ARHGAP12: variants seen among roughly 807,000 people sequenced by gnomAD.
ARHGAP12 encodes Rho GTPase activating protein 12.
Under a neutral mutation model 108.6 loss-of-function variants are expected in ARHGAP12, and 64 were observed. The observed-to-expected ratio is 0.59, with a 90% CI of 0.48 to 0.73. The LOEUF is 0.73. Ranked by LOEUF, ARHGAP12 falls within the 30% of genes least tolerant of loss-of-function variation. The pLI is 0.00. For synonymous variants in ARHGAP12, 312 were observed against 337.2 expected, an observed-to-expected ratio of 0.93 and a Z score of 0.82; for missense variants, 940 against 1,005.9, an observed-to-expected ratio of 0.93 and a Z score of 0.89.
At chr10:31,899,378 CAA>C (rs1264700902) in intron 3 of ARHGAP12, among the ~76,000 whole-genome samples, 1 of 152,108 alleles carries the variant, frequency 6.6e-6, no homozygotes, top group East Asian at 1.9e-4. Flanking sequence ...TAGATATGGA[CAA>C]AGTGAAATTT....
intron 3 of ARHGAP12, among the ~76,000 whole-genome samples, chr10:31,872,793 C>T (rs1021971109): frequency 6.6e-6 from 1 of 152,172 alleles, no homozygotes; most frequent in African/African-American, 2.4e-5. Context: ...CTTAAGTACT[C>T]CAGTCCCAAT....
rs187449129 is a variant in ARHGAP12 at position 31,889,193 on chromosome 10, T to C, written c.684+18979A>G. Among the ~76,000 whole-genome samples the C allele has an allele frequency of 1.5e-3, 224 of 152,336 alleles. No homozygotes were observed. In the Middle Eastern group the frequency reaches 0.017, roughly 12 times the overall value. On this transcript the variant is annotated intron_variant, in intron 3 of 19. Coordinates refer to ENST00000344936, the MANE Select transcript of ARHGAP12 (RefSeq NM_018287.7). The stretch of plus-strand genomic sequence containing the variant: ...TCCCAAAGTGCAGCGATTACAGACG[T>C]GAGCCACCACACCTGGCTTAAGAAT...
At chr10:31,926,700 A>G (rs536934466) in intron 1 of ARHGAP12, among the ~76,000 whole-genome samples, 9 of 152,338 alleles carry the variant, frequency 5.9e-5, no homozygotes, top group Non-Finnish European at 8.8e-5. Context: ...TAGAGTACTT[A>G]AAAATTTGTA....
chr10:31,904,658 A>G (rs1839055022), intron 3 of ARHGAP12, among the ~76,000 whole-genome samples: 1 of 152,096 alleles, frequency 6.6e-6, no homozygotes, highest in Admixed American at 6.6e-5. Context: ...ACAGGGTCTC[A>G]CTCTGTTGCC....
intron 1 of ARHGAP12, among the ~76,000 whole-genome samples, chr10:31,920,778 AG>A (rs1839775468): frequency 6.6e-6 from 1 of 152,224 alleles, no homozygotes; most frequent in Non-Finnish European, 1.5e-5. Context: ...CAGCCAGTTT[AG>A]TAGTTTCTTA....
chr10:31,919,292 G>A (rs538945720), intron 1 of ARHGAP12, among the ~76,000 whole-genome samples: 156 of 152,312 alleles, frequency 1.0e-3, no homozygotes, highest in African/African-American at 3.4e-3. Flanking sequence ...AAGTTCTGGA[G>A]ATGAAGGGTG....
At chr10:31,889,225 C>T (rs1838313041) in intron 3 of ARHGAP12, among the ~76,000 whole-genome samples, 1 of 152,170 alleles carries the variant, frequency 6.6e-6, no homozygotes, top group Non-Finnish European at 1.5e-5. Flanking sequence ...GAATCAAATA[C>T]TATTAATACT....
At chr10:31,831,243 A>G (rs185814986) in intron 10 of ARHGAP12, among the ~76,000 whole-genome samples, 134 of 152,358 alleles carry the variant, frequency 8.8e-4, no homozygotes, top group Non-Finnish European at 1.7e-3. Context: ...TGGCAGCTCT[A>G]CAAGCAAGAA....
intron 9 of ARHGAP12, among the ~76,000 whole-genome samples, chr10:31,838,277 G>C (rs1836103612): frequency 6.6e-6 from 1 of 152,078 alleles, no homozygotes; most frequent in Admixed American, 6.6e-5. Context: ...TGGTGTGGTA[G>C]GACAACAAGC....
chr10:31,919,791 CAA>C, intron 1 of ARHGAP12, among the ~76,000 whole-genome samples: 1 of 122,744 alleles, frequency 8.1e-6, no homozygotes. Flanking sequence ...GACTCCATTT[CAA>C]AAAAAAAAAC....
chr10:31,907,833 A>C (rs999090495), intron 3 of ARHGAP12, among the ~76,000 whole-genome samples: 6 of 152,118 alleles, frequency 3.9e-5, no homozygotes, highest in Non-Finnish European at 7.4e-5. Context: ...AAAGAGTAAA[A>C]ATTTTTTCTA....
intron 3 of ARHGAP12, among the ~76,000 whole-genome samples, chr10:31,882,547 G>A (rs949768908): frequency 4.6e-5 from 7 of 152,102 alleles, no homozygotes; most frequent in African/African-American, 1.7e-4. Context: ...GGGTGCAGAG[G>A]CTCACACCTG....
intron 3 of ARHGAP12, among the ~76,000 whole-genome samples, chr10:31,895,397 T>A (rs1838637579): frequency 6.6e-6 from 1 of 151,912 alleles, no homozygotes; most frequent in Admixed American, 6.6e-5. Flanking sequence ...TTAAACAAAT[T>A]TACAAGAAAA....
Position 31,805,733 on chromosome 10 carries a change from T to TTC in ARHGAP12, c.*1923_*1924dup, listed in dbSNP as rs1366683569. The TTC allele has an allele frequency of 2.0e-5, 3 of 151,876 alleles. No homozygotes were observed. Among genetic ancestry groups the TTC allele is most frequent in the African/African-American group, 7.3e-5 (3 of 41,284 alleles). The allele number at this position is 151,876 out of a possible 1,614,324, so 9.4% of individuals were successfully genotyped here. On this transcript the variant is annotated 3_prime_UTR_variant, in exon 20 of 20. Coordinates refer to ENST00000344936, the MANE Select transcript of ARHGAP12 (RefSeq NM_018287.7). ...GGACAATTTTAATCTTTGATATATGTTCATGAACACCAAGAACAAGAACAT... is the reference window on the plus strand; with the variant it reads ...GGACAATTTTAATCTTTGATATATGTTCTCATGAACACCAAGAACAAGAACAT...
intron 3 of ARHGAP12, among the ~76,000 whole-genome samples, chr10:31,896,040 G>A (rs1480556558): frequency 6.6e-6 from 1 of 151,790 alleles, no homozygotes; most frequent in African/African-American, 2.4e-5. Context: ...AATGAACAAT[G>A]AGAACACTTG....
At chr10:31,866,760 C>T (rs1226852159) in intron 3 of ARHGAP12, among the ~76,000 whole-genome samples, 1 of 152,004 alleles carries the variant, frequency 6.6e-6, no homozygotes, top group Admixed American at 6.6e-5. Flanking sequence ...GGATTATAGG[C>T]GTGAGCCACC....
intron 3 of ARHGAP12, among the ~76,000 whole-genome samples, chr10:31,876,020 GTATT>G (rs1442074515): frequency 6.6e-6 from 1 of 151,866 alleles, no homozygotes; most frequent in African/African-American, 2.4e-5. Context: ...GTGTGTCTGT[GTATT>G]TATTATTAAT....
chr10:31,909,052 A>C, intron 2 of ARHGAP12, 126 bp from the exon 3 acceptor site: 1 of 549,914 alleles, frequency 1.8e-6, no homozygotes, highest in Non-Finnish European at 3.1e-6. Context: ...TCAAACCCCA[A>C]AAAGCAAACA....
chr10:31,867,109 C>T (rs1456416891), intron 3 of ARHGAP12, among the ~76,000 whole-genome samples: 4 of 147,188 alleles, frequency 2.7e-5, no homozygotes, highest in Non-Finnish European at 4.5e-5. Context: ...ACCTTGTTTT[C>T]TTTTTTTTGT....
Sources: allele counts gnomAD v4.1 joint callset (sites outside exome capture counted in the v4.1 genomes callset), GRCh38; gene constraint gnomAD v4.1.1; transcripts MANE v1.5; gene names NCBI Gene and HGNC (gene_info 2026-07-23, HGNC 2026-07-21).